CDH13: variants seen among roughly 807,000 people sequenced by gnomAD.
CDH13 encodes cadherin-13.
CDH13 carries 24 observed loss-of-function variants against 63.8 expected under a neutral mutation model. The ratio of observed to expected loss-of-function variants is 0.38; its 90% CI spans 0.27 to 0.53. CDH13 has a LOEUF of 0.53. CDH13 is among the 20% of genes least tolerant of loss of function. The pLI is 0.85. For synonymous variants in CDH13, 503 were observed against 355.3 expected (o/e 1.42, Z -4.67); for missense variants, 1,049 against 903.1 (o/e 1.16, Z -2.07).
intron 1 of CDH13, among the ~76,000 whole-genome samples, chr16:82,738,964 T>C (rs2033809291): frequency 6.6e-6 from 1 of 152,208 alleles, no homozygotes; most frequent in African/African-American, 2.4e-5. Context: ...AACCTTTTAG[T>C]GGATAAAGTT....
At chr16:83,659,708 G>A (rs1282817326) in intron 8 of CDH13, among the ~76,000 whole-genome samples, 1 of 151,608 alleles carries the variant, frequency 6.6e-6, no homozygotes, top group East Asian at 1.9e-4. Context: ...CCTTTTCTCA[G>A]ATAAGTGAAC....
At chr16:82,863,462 A>T in intron 2 of CDH13, among the ~76,000 whole-genome samples, 2 of 152,218 alleles carry the variant, frequency 1.3e-5, no homozygotes, top group South Asian at 4.2e-4. Context: ...ACTCATATCG[A>T]CTAGAATTCA....
chr16:82,653,788 A>G (rs907292467), intron 1 of CDH13, among the ~76,000 whole-genome samples: 2 of 152,174 alleles, frequency 1.3e-5, no homozygotes, highest in African/African-American at 4.8e-5. Flanking sequence ...TCCAATGATC[A>G]GCATGCTTGT....
At chr16:83,649,437 G>A (rs968924315) in intron 8 of CDH13, among the ~76,000 whole-genome samples, 8 of 152,172 alleles carry the variant, frequency 5.3e-5, no homozygotes, top group South Asian at 2.1e-4. Flanking sequence ...TGAAGGGAAA[G>A]AGAGGGTGGT....
intron 11 of CDH13, among the ~76,000 whole-genome samples, chr16:83,779,359 A>G (rs1268786112): frequency 1.6e-5 from 2 of 125,360 alleles, no homozygotes; most frequent in Non-Finnish European, 3.2e-5. Context: ...GTGAGTCGAG[A>G]TTGCGCCATT....
intron 5 of CDH13, among the ~76,000 whole-genome samples, chr16:83,343,023 C>T (rs1055652202): frequency 6.6e-6 from 1 of 151,756 alleles, no homozygotes; most frequent in Non-Finnish European, 1.5e-5. Context: ...TATAAAATTT[C>T]ACTCTCTGTG....
chr16:82,778,332 C>G (rs1190436276), intron 1 of CDH13, among the ~76,000 whole-genome samples: 1 of 152,126 alleles, frequency 6.6e-6, no homozygotes, highest in Non-Finnish European at 1.5e-5. Flanking sequence ...TATTCCCTCT[C>G]TTTCAAATAA....
At chr16:82,995,370 C>T (rs757406591) in intron 2 of CDH13, among the ~76,000 whole-genome samples, 4 of 152,164 alleles carry the variant, frequency 2.6e-5, no homozygotes, top group Non-Finnish European at 4.4e-5. Flanking sequence ...CATGAGTGAG[C>T]GTGATGTTAG....
At chr16:82,999,897 C>A (rs985097867) in intron 2 of CDH13, among the ~76,000 whole-genome samples, 5 of 152,034 alleles carry the variant, frequency 3.3e-5, no homozygotes, top group Non-Finnish European at 4.4e-5. Flanking sequence ...GACAATTTCA[C>A]CCCCTGAGGG....
intron 4 of CDH13, among the ~76,000 whole-genome samples, chr16:83,210,458 T>C (rs2039308302): frequency 6.6e-6 from 1 of 152,036 alleles, no homozygotes; most frequent in South Asian, 2.1e-4. Context: ...GGAGATGGGA[T>C]AAAAGAGAAA....
chr16:83,619,294 A>G (rs1455275227), intron 8 of CDH13, among the ~76,000 whole-genome samples: 1 of 152,212 alleles, frequency 6.6e-6, no homozygotes, highest in Non-Finnish European at 1.5e-5. Flanking sequence ...CAACCAGCAC[A>G]TCGATCCTGA....
At chr16:83,259,697 C>G (rs767964132) in intron 5 of CDH13, among the ~76,000 whole-genome samples, 16 of 152,016 alleles carry the variant, frequency 1.1e-4, no homozygotes, top group Non-Finnish European at 2.1e-4. Context: ...GCACAATGTG[C>G]AGGTTAGTTA....
At chr16:83,104,146 CTGTTGT>C (rs1489217237) in intron 3 of CDH13, among the ~76,000 whole-genome samples, 1 of 152,156 alleles carries the variant, frequency 6.6e-6, no homozygotes, top group African/African-American at 2.4e-5. Flanking sequence ...CTTTTTAAAG[CTGTTGT>C]TGTTTTACCA....
intron 5 of CDH13, among the ~76,000 whole-genome samples, chr16:83,282,415 A>C (rs559251971): frequency 6.6e-6 from 1 of 152,374 alleles, no homozygotes; most frequent in African/African-American, 2.4e-5. Flanking sequence ...AGCAAAGCAC[A>C]ATAAAATGAC....
At chr16:82,830,790 A>C (rs572546010) in intron 1 of CDH13, among the ~76,000 whole-genome samples, 15 of 152,220 alleles carry the variant, frequency 9.9e-5, no homozygotes, top group Non-Finnish European at 2.2e-4. Context: ...TTACATGCAT[A>C]TTACCATGAC....
intron 7 of CDH13, among the ~76,000 whole-genome samples, chr16:83,556,201 C>G (rs1401283104): frequency 6.6e-6 from 1 of 152,210 alleles, no homozygotes; most frequent in Non-Finnish European, 1.5e-5. Context: ...AGCATCAAAT[C>G]AGATAAACTA....
intron 6 of CDH13, among the ~76,000 whole-genome samples, chr16:83,422,766 A>G (rs920446741): frequency 2.0e-5 from 3 of 152,192 alleles, no homozygotes; most frequent in African/African-American, 7.2e-5. Context: ...CCCCAACTTT[A>G]AAAGGAAGAT....
chr16:82,709,598 G>A (rs1293182377), intron 1 of CDH13, among the ~76,000 whole-genome samples: 1 of 152,222 alleles, frequency 6.6e-6, no homozygotes, highest in African/African-American at 2.4e-5. Flanking sequence ...GACAATAAAT[G>A]AGATAATTCA....
intron 2 of CDH13, chr16:82,990,062 T>C (rs1325781133): frequency 6.6e-6 from 1 of 152,140 alleles, no homozygotes; most frequent in African/African-American, 2.4e-5. Context: ...ACTATCCATA[T>C]ACTGTATCAC....
Sources: gnomAD v4.1 joint callset for allele counts (sites outside exome capture counted in the v4.1 genomes callset) on GRCh38, gnomAD v4.1.1 for gene constraint, MANE v1.5 for transcripts, NCBI Gene and HGNC (gene_info 2026-07-23, HGNC 2026-07-21) for gene names.